TTN: variants seen among roughly 807,000 people sequenced by gnomAD.
The protein encoded by TTN is connectin.
TTN carries 1,525 observed loss-of-function variants against 3,223.0 expected under a neutral mutation model. That is an observed-to-expected ratio of 0.47 (90% CI 0.45 to 0.49). The LOEUF (loss-of-function observed/expected upper bound fraction) is 0.49, where lower values mean the gene tolerates loss of function less well. TTN is among the 20% of genes least tolerant of loss of function. TTN has a pLI of 0.00. For synonymous variants in TTN, 14,094 were observed against 15,161.0 expected (o/e 0.93, Z 5.17); for missense variants, 40,786 against 43,424.0 (o/e 0.94, Z 5.40).
rs1019967674 is a variant in TTN, at chr2:178,777,982, A to T, written c.4209-7T>A. On this transcript the variant is annotated splice_polypyrimidine_tract_variant and splice_region_variant and intron_variant, in intron 24 of 362. Transcript: ENST00000589042. ...TGAACGTGGAGAGAGAGATCTGCAA[A>T]ACAAAGACACACAATACTTTCGTGA... 3 of 1,613,058 alleles carry T rather than the reference A, an allele frequency of 1.9e-6. No individual in the cohort carries two copies. The African/African-American group carries it at 4.0e-5, about 22-fold the overall frequency.
Position 178,712,474 on chromosome 2 carries a change from T to C in TTN, c.27448A>G (p.Ile9150Val). Residue 9150 changes from isoleucine to valine, a missense_variant, in exon 95 of 363, where the codon ATA becomes GTA. Coordinates refer to ENST00000589042, the MANE Select transcript of TTN (RefSeq NM_001267550.2). ...PISVTWKKNGINVTPSQRCNI... is the reference protein window; with the variant it reads ...PISVTWKKNGVNVTPSQRCNI... ...CACCTCTGAGAAGGAGTTACATTTA[T>C]GCCATTTTTCTTCCAGGTAACCGAA... 1 of 1,613,860 alleles carries C rather than the reference T, an allele frequency of 6.2e-7. No homozygotes were observed. Among genetic ancestry groups the C allele is most frequent in the Non-Finnish European group, 8.5e-7 (1 of 1,179,818 alleles).
chr2:178,669,337 G>T, intron 159 of TTN, 36 bp downstream of exon 159: 1 of 1,478,362 alleles, frequency 6.8e-7, no homozygotes, highest in Non-Finnish European at 9.0e-7. Context: ...GGACATAAAT[G>T]AAACGAAAAA....
chr2:178,776,697 C>G lies in TTN; in HGVS notation c.5167G>C (p.Glu1723Gln), dbSNP rs2092262638. ...TCACCAATGGGTGTTAGCCTGCATT[C>G]AAAGTGGGCAGGCCCAAAGCGCTTA... ...RLKRFGPAHF[E>Q]CRLTPIGDPT... Residue 1723 changes from glutamate (E) to glutamine (Q), a missense_variant, in exon 28 of 363, where the codon GAA becomes CAA. Coordinates refer to ENST00000589042, the MANE Select transcript of TTN (RefSeq NM_001267550.2). 6.2e-7 allele frequency: 1 copy of G among 1,614,116 alleles called. No individual in the cohort carries two copies. The highest frequency in any genetic ancestry group is 8.5e-7 in the Non-Finnish European group (1 of 1,180,012).
In TTN at chr2:178,577,163, T is replaced by C. The variant is rs752304059; in HGVS notation, c.69172A>G (p.Thr23058Ala). The change falls in exon 324 of 363, where the codon ACA becomes GCA. Residue 23058 changes from threonine to alanine, a missense_variant. Physicochemically the swap from Thr to Ala is moderately conservative, Grantham distance 58 (BLOSUM62 0). Transcript: ENST00000589042. ...TCCAAGGGAGGTGTCCATGTAAGTG[T>C]TGCTTTTTCAGCAGAAACATTACTG... ...EISNVSAEKA[T>A]LTWTPPLEDG... 2.5e-6 allele frequency: 4 copies of C among 1,612,868 alleles called. No homozygotes were observed. The highest frequency in any genetic ancestry group is 2.7e-5 in the African/African-American group (2 of 74,850).
rs1694490172 is a variant in TTN at position 178,541,518 on chromosome 2, C to A, written c.97559G>T (p.Trp32520Leu). The change falls in exon 350 of 363, where the codon TGG (tryptophan) becomes TTG (leucine). Residue 32520 changes from tryptophan to leucine, a missense_variant. Coordinates refer to ENST00000589042, the MANE Select transcript of TTN (RefSeq NM_001267550.2). The part of the protein sequence containing the change: ...DVSRDGMTLT[W>L]YPPEDDGGSQ... ...GCCACCGTCATCCTCTGGTGGGTAC[C>A]AAGTAAGTGTCATGCCATCACGGGA... is the stretch of plus-strand genomic sequence containing the variant. 2.5e-6 allele frequency: 4 copies of A among 1,612,946 alleles called. No homozygotes were observed. Among genetic ancestry groups the A allele is most frequent in the Non-Finnish European group, 3.4e-6 (4 of 1,179,406 alleles).
At chr2:178,640,519 A>T in intron 221 of TTN, 22 bp downstream of exon 221, 1 of 1,591,406 alleles carries the variant, frequency 6.3e-7, no homozygotes, top group Non-Finnish European at 8.6e-7. Flanking sequence ...AGAGACAACT[A>T]AGAATGACAG....
At chr2:178,766,329 A>T in intron 41 of TTN, 52 bp downstream of exon 41, 2 of 1,373,330 alleles carry the variant, frequency 1.5e-6, no homozygotes. Context: ...CTTAAACAGG[A>T]GGATTATTTC....
chr2:178,630,962 A>C lies in TTN; in HGVS notation c.44015-19T>G. ...TCCCGATCTAGAAAAGTGAAGGGCC[A>C]GCATGGGTCATTAGCCTCTGGCACA... On this transcript the variant is annotated intron_variant, in intron 237 of 362. Coordinates refer to ENST00000589042, the MANE Select transcript of TTN (RefSeq NM_001267550.2). 1 of 1,612,162 alleles carries C rather than the reference A, an allele frequency of 6.2e-7. No individual in the cohort carries two copies. Among genetic ancestry groups the C allele is most frequent in the Non-Finnish European group, 8.5e-7 (1 of 1,179,318 alleles).
chr2:178,674,323 G>T lies in TTN; in HGVS notation c.34699C>A (p.Pro11567Thr), dbSNP rs1330795319. The change falls in exon 151 of 363, where the codon CCA becomes ACA. Residue 11567 changes from proline to threonine, a missense_variant. By Grantham distance (38) the Pro-to-Thr change is conservative (BLOSUM62 -1). Transcript: ENST00000589042. ...TTAAAAGCGGTTATACCTCTAGGTG[G>T]TGCCACCTCTTCAACTTCCTCTATG... ...PSIEEVEEVAPPRVPEVIKKA... is the reference protein window; with the variant it reads ...PSIEEVEEVATPRVPEVIKKA... The T allele has an allele frequency of 6.3e-7, 1 of 1,584,834 alleles. No homozygotes were observed. The highest frequency in any genetic ancestry group is 8.6e-7 in the Non-Finnish European group (1 of 1,161,702).
At position 178,732,987 on chromosome 2, in the gene TTN, T is replaced by C. The variant is rs1451191038; in HGVS notation, c.16189A>G (p.Ile5397Val). Residue 5397 changes from isoleucine to valine, a missense_variant, in exon 55 of 363, where the codon ATA becomes GTA. Transcript: ENST00000589042. ...ATCCTGTATCTGTCAGAAGCAGCTA[T>C]TTCTTTGCCATCCTTAAACCAGGAC... ...RVSWFKDGKE[I>V]AASDRYRIAF... 2 of 1,613,472 alleles carry C rather than the reference T, an allele frequency of 1.2e-6. No individual in the cohort carries two copies. Among genetic ancestry groups the C allele is most frequent in the Non-Finnish European group, 1.7e-6 (2 of 1,179,754 alleles).
rs925608687 is a variant in TTN at position 178,715,430 on chromosome 2, A to G, written c.25921+63T>C. 1.9e-6 allele frequency: 3 copies of G among 1,542,256 alleles called. No individual in the cohort carries two copies. In the African/African-American group the frequency reaches 4.1e-5, roughly 21 times the overall value. On this transcript the variant is annotated intron_variant, in intron 89 of 362. Transcript: ENST00000589042. Reference sequence around the variant, plus strand: ...AACATCGTTGAAGAGTCAAACAGGAAGTTAAGAGGACAATTAAAGAGGAGG... The same window carrying G: ...AACATCGTTGAAGAGTCAAACAGGAGGTTAAGAGGACAATTAAAGAGGAGG...
intron 127 of TTN, among the ~76,000 whole-genome samples, chr2:178,686,635 G>T (rs1035847392): frequency 2.0e-5 from 3 of 151,660 alleles, no homozygotes; most frequent in African/African-American, 4.9e-5. Flanking sequence ...GGCTGGTCTT[G>T]AACTCCTGTG....
chr2:178,803,143 C>T (rs765524803), intron 2 of TTN, among the ~76,000 whole-genome samples: 9 of 152,164 alleles, frequency 5.9e-5, no homozygotes, highest in South Asian at 2.1e-4. Context: ...TATCTACTTA[C>T]GCTGGTAGGT....
At chr2:178,646,108 A>ATATG (rs2061926603) in intron 216 of TTN, 78 bp from the exon 217 acceptor site, 1 of 89,986 alleles carries the variant, frequency 1.1e-5, no homozygotes, top group Non-Finnish European at 2.1e-5. Context: ...TAGAAATTAT[A>ATATG]TATATATATA....
chr2:178,720,033 A>T lies in TTN; in HGVS notation c.23609T>A (p.Ile7870Asn). The T allele has an allele frequency of 1.2e-6, 2 of 1,613,226 alleles. No homozygotes were observed. The highest frequency in any genetic ancestry group is 1.7e-6 in the Non-Finnish European group (2 of 1,179,440). ...TTCTCTCATTCCAGCATCGTTTTTGATTTGGCATATATATTTTCCAGAATT... is the reference window on the plus strand; with the variant it reads ...TTCTCTCATTCCAGCATCGTTTTTGTTTTGGCATATATATTTTCCAGAATT... ...ASNSGKYICQ[I>N]KNDAGMRECS... The change falls in exon 81 of 363, where the codon ATC becomes AAC. Residue 7870 changes from isoleucine to asparagine, a missense_variant. Ile to Asn is a moderately radical substitution (Grantham distance 149). Coordinates refer to ENST00000589042, the MANE Select transcript of TTN (RefSeq NM_001267550.2).
chr2:178,801,988 T>G, intron 3 of TTN, 150 bp downstream of exon 3: 7 of 949,176 alleles, frequency 7.4e-6, no homozygotes, highest in Non-Finnish European at 1.1e-5. Flanking sequence ...GGCAAACAAC[T>G]TGGTTATAAA....
chr2:178,537,387 T>A lies in TTN; in HGVS notation c.99820A>T (p.Asn33274Tyr). The change falls in exon 355 of 363, where the codon AAT (asparagine) becomes TAT (tyrosine). Residue 33274 changes from asparagine (N) to tyrosine (Y), a missense_variant. Transcript: ENST00000589042. ...HAGKYKVQLSNVFGTVDAILD... is the reference protein window; with the variant it reads ...HAGKYKVQLSYVFGTVDAILD... ...ATGGCATCAACTGTTCCAAAAACAT[T>A]GCTGAGCTGGACTTTGTATTTCCCA... 1.2e-6 allele frequency: 2 copies of A among 1,600,010 alleles called. No homozygotes were observed. The highest frequency in any genetic ancestry group is 1.7e-6 in the Non-Finnish European group (2 of 1,171,072).
At position 178,532,999 on chromosome 2, in the gene TTN, G is replaced by A; in HGVS notation, c.103616C>T (p.Pro34539Leu). The change falls in exon 358 of 363, where the codon CCT becomes CTT. Residue 34539 changes from proline (P) to leucine (L), a missense_variant. Pro to Leu is a moderately conservative substitution (Grantham distance 98). Coordinates refer to ENST00000589042, the MANE Select transcript of TTN (RefSeq NM_001267550.2). Reference sequence around the variant, plus strand: ...CTTGCGTGGCTCTGGTACATCATAAGGCATCCGGAGTTTTCTCTCCTCCTT... The same window carrying A: ...CTTGCGTGGCTCTGGTACATCATAAAGCATCCGGAGTTTTCTCTCCTCCTT... ...EKKEERKLRM[P>L]YDVPEPRKYK... 1 of 1,613,868 alleles carries A rather than the reference G, an allele frequency of 6.2e-7. No homozygotes were observed. Among genetic ancestry groups the A allele is most frequent in the Non-Finnish European group, 8.5e-7 (1 of 1,179,860 alleles).
Position 178,542,364 on chromosome 2 carries a change from G to A in TTN, c.97392C>T (p.Leu32464=). The A allele has an allele frequency of 6.2e-7, 1 of 1,613,610 alleles. No homozygotes were observed. The change falls in exon 349 of 363, where the codon CTC becomes CTT. Residue 32464 remains leucine (L), a synonymous_variant. Transcript: ENST00000589042. The stretch of plus-strand genomic sequence containing the variant: ...GGAACACATACTCATTTCCTTCGGT[G>A]AGTCTGGTAAACTTAAACGTGGACC... The part of the protein sequence containing the change: ...VTRSTFKFTR[L]TEGNEYVFRV...
Sources: allele counts gnomAD v4.1 joint callset (sites outside exome capture counted in the v4.1 genomes callset), GRCh38; gene constraint gnomAD v4.1.1; transcripts MANE v1.5; gene names NCBI Gene and HGNC (gene_info 2026-07-23, HGNC 2026-07-21).